Variants in CACNA1B observed in about 807,000 individuals in gnomAD.
CACNA1B encodes voltage-dependent N-type calcium channel subunit alpha-1B.
CACNA1B carries 70 observed loss-of-function variants against 247.2 expected under a neutral mutation model. The observed-to-expected ratio is 0.28, with a 90% CI of 0.23 to 0.35. The LOEUF is 0.35. Ranked by LOEUF, CACNA1B falls within the 10% of genes least tolerant of loss-of-function variation. CACNA1B has a pLI of 1.00. For synonymous variants in CACNA1B, 1,231 were observed against 1,294.4 expected (o/e 0.95, Z 1.05); for missense variants, 2,367 against 3,197.4 (o/e 0.74, Z 6.26).
chr9:138,053,756 C>A, intron 25 of CACNA1B, 90 bp from the exon 26 acceptor site: 1 of 976,574 alleles, frequency 1.0e-6, no homozygotes, highest in Non-Finnish European at 1.6e-6. Flanking sequence ...TGGCTCCACC[C>A]CTCCCCGTGA....
At chr9:137,883,397 T>A (rs1223540276) in intron 3 of CACNA1B, among the ~76,000 whole-genome samples, 1 of 152,198 alleles carries the variant, frequency 6.6e-6, no homozygotes, top group Admixed American at 6.5e-5. Flanking sequence ...TCGAGTGCTT[T>A]CACAGTTCCT....
intron 20 of CACNA1B, among the ~76,000 whole-genome samples, chr9:138,042,556 A>G (rs1437203414): frequency 3.3e-5 from 5 of 152,140 alleles, no homozygotes; most frequent in Admixed American, 6.5e-5. Context: ...AAATTAATAG[A>G]ATTTTTTGGG....
chr9:138,101,476 A>G (rs578043110), intron 37 of CACNA1B, among the ~76,000 whole-genome samples: 142 of 152,350 alleles, frequency 9.3e-4, no homozygotes, highest in Non-Finnish European at 1.6e-3. Context: ...TCCTGCATCA[A>G]GGAAGCAGCC....
chr9:137,997,192 G>C (rs1958510739), intron 15 of CACNA1B, among the ~76,000 whole-genome samples: 1 of 152,296 alleles, frequency 6.6e-6, no homozygotes, highest in African/African-American at 2.4e-5. Flanking sequence ...TGGGCATGTA[G>C]GGCTCATTGT....
At chr9:137,912,990 C>T (rs1033974378) in intron 3 of CACNA1B, among the ~76,000 whole-genome samples, 190 bp from the exon 4 acceptor site, 6 of 152,110 alleles carry the variant, frequency 3.9e-5, no homozygotes, top group Admixed American at 3.3e-4. Flanking sequence ...CCTGGCAAGC[C>T]GCTCTGTGCT....
chr9:137,896,746 G>A (rs187451835), intron 3 of CACNA1B, among the ~76,000 whole-genome samples: 40 of 152,326 alleles, frequency 2.6e-4, no homozygotes, highest in African/African-American at 9.4e-4. Flanking sequence ...AATCCAACTG[G>A]CCCTGGAGAT....
chr9:138,050,205 G>T lies in CACNA1B; in HGVS notation c.3710+890G>T, dbSNP rs1053098044. The T allele has an allele frequency of 2.0e-5, 15 of 746,924 alleles. No homozygotes were observed. In the South Asian group the frequency reaches 2.2e-4, roughly 11 times the overall value. The allele number at this position is 746,924 out of a possible 1,614,324, so 46.3% of individuals were successfully genotyped here. A position where few individuals can be genotyped will look rare whatever the true frequency, so the allele number is the denominator to read the frequency against. On this transcript the variant is annotated intron_variant, in intron 24 of 46. Transcript: ENST00000371372. This position sits in a 1 kb window ranked among gnomAD's most constrained non-coding sequence, Gnocchi z 5.2. ...CATCCACTTTCACCCCATCGGGGCTGCATGCTGCCGGGAGCCAAGTCCCCG... is the reference window on the plus strand; with the variant it reads ...CATCCACTTTCACCCCATCGGGGCTTCATGCTGCCGGGAGCCAAGTCCCCG...
rs1959339339 is a variant in CACNA1B at position 138,052,738 on chromosome 9, C to CTTAGAGAAGAAAGTTTGT, written c.3807+556_3807+573dup. 6.6e-6 allele frequency among the ~76,000 whole-genome samples: 1 copy of CTTAGAGAAGAAAGTTTGT among 152,186 alleles called. No individual in the cohort carries two copies. The highest frequency in any genetic ancestry group is 1.5e-5 in the Non-Finnish European group (1 of 68,040). Reference sequence around the variant, plus strand: ...CCATTGAGACCTGAGGCAATGGGGACTTAGAGAAGAAAGTTTGTTTAGAAC... The same window carrying CTTAGAGAAGAAAGTTTGT: ...CCATTGAGACCTGAGGCAATGGGGACTTAGAGAAGAAAGTTTGTTTAGAGAAGAAAGTTTGTTTAGAAC... On this transcript the variant is annotated intron_variant, in intron 25 of 46. Coordinates refer to ENST00000371372, the MANE Select transcript of CACNA1B (RefSeq NM_000718.4). This position sits in a 1 kb window ranked among gnomAD's most constrained non-coding sequence, Gnocchi z 5.1.
intron 15 of CACNA1B, among the ~76,000 whole-genome samples, chr9:138,002,544 C>CAA (rs554684903): frequency 0.015 from 1,438 of 97,018 alleles, 36 homozygotes; most frequent in African/African-American, 0.045. Flanking sequence ...AGCCCATATC[C>CAA]AAAAAAAAAA....
intron 31 of CACNA1B, among the ~76,000 whole-genome samples, chr9:138,060,836 G>T (rs1959694124): frequency 6.6e-6 from 1 of 152,182 alleles, no homozygotes; most frequent in Non-Finnish European, 1.5e-5. Flanking sequence ...CTGCTGTGCT[G>T]GTCCAAGCAG....
At chr9:138,114,290 C>A in intron 40 of CACNA1B, 88 bp from the exon 41 acceptor site, 1 of 688,300 alleles carries the variant, frequency 1.5e-6, no homozygotes. Flanking sequence ...GAGGGAGGGG[C>A]GGCTGTTTCC....
chr9:138,097,127 T>A (rs1338013070), intron 37 of CACNA1B, among the ~76,000 whole-genome samples: 2 of 152,098 alleles, frequency 1.3e-5, no homozygotes, highest in Non-Finnish European at 2.9e-5. Context: ...TGCACCTCTG[T>A]GTCCCCAGCC....
intron 6 of CACNA1B, among the ~76,000 whole-genome samples, chr9:137,949,194 G>A (rs1202248843): frequency 2.8e-3 from 20 of 7,120 alleles, no homozygotes; most frequent in African/African-American, 4.1e-3. Flanking sequence ...TGTGTATGGT[G>A]TATGTGTGTC....
intron 6 of CACNA1B, among the ~76,000 whole-genome samples, chr9:137,920,329 T>C (rs1300865005): frequency 6.6e-6 from 1 of 152,204 alleles, no homozygotes; most frequent in Non-Finnish European, 1.5e-5. Flanking sequence ...CCTAAGTAGC[T>C]GGGATTACAG....
Position 138,105,283 on chromosome 9 carries a change from G to A in CACNA1B, c.5320-416G>A, listed in dbSNP as rs143768949. On this transcript the variant is annotated intron_variant, in intron 38 of 46. Transcript: ENST00000371372. ...TACTCCTTGTCCAGATGATCGAAGTGGTGGGAGGAGAAGATGGGGGTGGGC... is the reference window on the plus strand; with the variant it reads ...TACTCCTTGTCCAGATGATCGAAGTAGTGGGAGGAGAAGATGGGGGTGGGC... Among the ~76,000 whole-genome samples, 219 of 152,308 alleles carry A rather than the reference G, an allele frequency of 1.4e-3. 1 individual carries two copies. Among genetic ancestry groups the A allele is most frequent in the African/African-American group, 4.2e-3 (176 of 41,558 alleles).
chr9:138,061,691 C>T (rs891685345), intron 31 of CACNA1B, among the ~76,000 whole-genome samples: 6 of 152,128 alleles, frequency 3.9e-5, no homozygotes, highest in Admixed American at 6.5e-5. Flanking sequence ...ATGTTAGTGC[C>T]GGCACGGTAC....
In CACNA1B at chr9:138,100,219, A is replaced by C. The variant is rs1019179673; in HGVS notation, c.5223-2492A>C. Among the ~76,000 whole-genome samples, 2 of 152,208 alleles carry C rather than the reference A, an allele frequency of 1.3e-5. No individual in the cohort carries two copies. Among genetic ancestry groups the C allele is most frequent in the African/African-American group, 2.4e-5 (1 of 41,454 alleles). ...AGAGGGAGGCCAGGTGGCTTCTGTCAGGCTGGAGAGGAGAGTGCATTGCAG... is the reference window on the plus strand; with the variant it reads ...AGAGGGAGGCCAGGTGGCTTCTGTCCGGCTGGAGAGGAGAGTGCATTGCAG... On this transcript the variant is annotated intron_variant, in intron 37 of 46. Transcript: ENST00000371372. The surrounding 1 kb of genome is among the most constrained non-coding windows in gnomAD (Gnocchi z 4.6).
chr9:138,114,544 G>C (rs1255682707), intron 41 of CACNA1B, 54 bp downstream of exon 41: 1 of 885,170 alleles, frequency 1.1e-6, no homozygotes, highest in African/African-American at 1.6e-5. Context: ...CGAGGCTCTG[G>C]CATCCTTCGG....
At chr9:138,082,335 G>A (rs1960547667) in intron 36 of CACNA1B, among the ~76,000 whole-genome samples, 1 of 151,494 alleles carries the variant, frequency 6.6e-6, no homozygotes, top group Middle Eastern at 3.4e-3. Flanking sequence ...TGATTCGCAA[G>A]TTGTGCAGCC....
Sources: gnomAD v4.1 joint callset for allele counts (sites outside exome capture counted in the v4.1 genomes callset) on GRCh38, gnomAD v4.1.1 for gene constraint, Gnocchi (gnomAD v3.1) non-coding constraint, MANE v1.5 for transcripts, NCBI Gene and HGNC (gene_info 2026-07-23, HGNC 2026-07-21) for gene names.